Variants in PHF21B observed in about 807,000 individuals in gnomAD.
The protein encoded by PHF21B is PHD finger protein 4.
Under a neutral mutation model 62.2 loss-of-function variants are expected in PHF21B, and 22 were observed. The observed-to-expected ratio is 0.35, with a 90% CI of 0.25 to 0.51. The LOEUF (loss-of-function observed/expected upper bound fraction) is 0.51. Ranked by LOEUF, PHF21B falls within the 20% of genes least tolerant of loss-of-function variation. The pLI is 0.97. For missense variants in PHF21B, 701 were observed against 707.9 expected (o/e 0.99, Z 0.11); for synonymous variants, 341 against 314.7 (o/e 1.08, Z -0.88).
intron 2 of PHF21B, among the ~76,000 whole-genome samples, chr22:44,931,658 A>T (rs1358030756): frequency 6.6e-6 from 1 of 151,916 alleles, no homozygotes; most frequent in Non-Finnish European, 1.5e-5. Flanking sequence ...GGGTGTCAAA[A>T]AATGGTTGTG....
At chr22:44,907,087 C>G (rs1446029775) in intron 5 of PHF21B, among the ~76,000 whole-genome samples, 2 of 152,230 alleles carry the variant, frequency 1.3e-5, no homozygotes, top group African/African-American at 2.4e-5. Flanking sequence ...TGCTAGGAAG[C>G]ATGTCCGTGC....
At chr22:45,005,612 T>C (rs1055912940) in intron 2 of PHF21B, among the ~76,000 whole-genome samples, 4 of 152,176 alleles carry the variant, frequency 2.6e-5, no homozygotes, top group Non-Finnish European at 5.9e-5. Context: ...GAATGAGAAA[T>C]TCATGGTTGG....
chr22:44,934,539 C>T (rs537344962), intron 2 of PHF21B, among the ~76,000 whole-genome samples: 2 of 152,260 alleles, frequency 1.3e-5, no homozygotes, highest in South Asian at 2.1e-4. Context: ...CCTGCCAGGG[C>T]GTCAGGTCCA....
rs758614606 is a variant in PHF21B, at chr22:44,888,048, G to A, written c.1112C>T (p.Pro371Leu). 1.0e-5 allele frequency: 16 copies of A among 1,554,622 alleles called. No individual in the cohort carries two copies. The highest frequency in any genetic ancestry group is 2.1e-4 in the Middle Eastern group (1 of 4,768). ...GANLQPCGTC[P>L]GAYHLSCLEP... ...CAGGCAGCTGAGGTGGTAGGCCCCC[G>A]GGCAGGTGCCGCAGGGCTGCAGGTT... Residue 371 changes from proline (P) to leucine (L), a missense_variant, in exon 10 of 13, where the codon CCG becomes CTG. Transcript: ENST00000313237.
chr22:44,914,231 G>C, intron 4 of PHF21B, 143 bp from the exon 5 acceptor site: 1 of 565,804 alleles, frequency 1.8e-6, no homozygotes, highest in Non-Finnish European at 3.2e-6. Flanking sequence ...CGGGAACTGG[G>C]TGGTTTGCGC....
chr22:44,984,400 T>C (rs2072911468), intron 2 of PHF21B, among the ~76,000 whole-genome samples: 1 of 152,072 alleles, frequency 6.6e-6, no homozygotes, highest in Non-Finnish European at 1.5e-5. Flanking sequence ...CCCAGAGCCT[T>C]GGTTCTCAAA....
chr22:44,933,102 G>A (rs1461646073), intron 2 of PHF21B, among the ~76,000 whole-genome samples: 2 of 148,190 alleles, frequency 1.3e-5, no homozygotes, highest in Admixed American at 7.0e-5. Context: ...ACAGCTTCAG[G>A]TCTCTTCTAT....
At chr22:44,948,705 AAAG>A (rs979896511) in intron 2 of PHF21B, among the ~76,000 whole-genome samples, 5 of 147,890 alleles carry the variant, frequency 3.4e-5, no homozygotes, top group African/African-American at 1.1e-4. Flanking sequence ...AAAAAAAAAA[AAAG>A]AGAGACAGAG....
chr22:44,971,009 C>T (rs916458786), intron 2 of PHF21B: 2 of 152,364 alleles, frequency 1.3e-5, no homozygotes, highest in Non-Finnish European at 2.9e-5. Context: ...CCCAGCGGTG[C>T]TCAAGGTGTG....
intron 3 of PHF21B, among the ~76,000 whole-genome samples, chr22:44,917,061 C>G (rs940748424): frequency 5.3e-5 from 8 of 152,238 alleles, no homozygotes; most frequent in Non-Finnish European, 1.0e-4. Context: ...GCTCCTGGGC[C>G]TTGCCCAGTT....
intron 2 of PHF21B, among the ~76,000 whole-genome samples, chr22:44,999,698 C>T (rs923458669): frequency 6.6e-6 from 1 of 152,120 alleles, no homozygotes; most frequent in Non-Finnish European, 1.5e-5. Flanking sequence ...CCTACACGTG[C>T]CAGTGTTGGA....
Position 45,009,674 on chromosome 22 carries a change from A to T in PHF21B, c.-125T>A. The T allele has an allele frequency of 1.1e-6, 1 of 869,640 alleles. No homozygotes were observed. The highest frequency in any genetic ancestry group is 1.6e-6 in the Non-Finnish European group (1 of 617,204). 53.9% of individuals were successfully genotyped at this position (869,640 alleles called of 1,614,324 possible). A position where few individuals can be genotyped will look rare whatever the true frequency, so the allele number is the denominator to read the frequency against. On this transcript the variant is annotated 5_prime_UTR_variant, in exon 1 of 13. Coordinates refer to ENST00000313237, the MANE Select transcript of PHF21B (RefSeq NM_138415.5). The surrounding 1 kb of genome is among the most constrained non-coding windows in gnomAD (Gnocchi z 5.9). ...TCCGGGCTGGGTTGGGGGGGACACG[A>T]GCCCCCTCCCCCACGGCCGAAAGGG... is the stretch of plus-strand genomic sequence containing the variant.
intron 2 of PHF21B, among the ~76,000 whole-genome samples, chr22:44,936,135 G>C (rs1189191140): frequency 1.3e-5 from 2 of 152,248 alleles, no homozygotes; most frequent in Non-Finnish European, 2.9e-5. Context: ...GGAGGGTCCT[G>C]AAGAACCCGG....
At chr22:44,992,293 G>A (rs1250442939) in intron 2 of PHF21B, among the ~76,000 whole-genome samples, 1 of 152,248 alleles carries the variant, frequency 6.6e-6, no homozygotes, top group Non-Finnish European at 1.5e-5. Context: ...CAGGGATGCT[G>A]GACGATGAAA....
intron 2 of PHF21B, among the ~76,000 whole-genome samples, chr22:44,950,307 A>G (rs2072167207): frequency 2.6e-5 from 4 of 152,160 alleles, no homozygotes; most frequent in Admixed American, 2.6e-4. Context: ...CCCTCTAACA[A>G]TTGTGCCTCA....
intron 2 of PHF21B, among the ~76,000 whole-genome samples, chr22:44,958,053 C>T (rs1011740675): frequency 4.6e-5 from 7 of 152,092 alleles, no homozygotes; most frequent in Admixed American, 1.3e-4. Context: ...CAGGCATGTG[C>T]TATCATGCCT....
At chr22:44,971,218 A>G (rs1234595549) in intron 2 of PHF21B, 1 of 152,154 alleles carries the variant, frequency 6.6e-6, no homozygotes, top group Admixed American at 6.5e-5. Flanking sequence ...CCTGTAGATC[A>G]CCATCATGGG....
At chr22:44,960,174 C>G (rs991148725) in intron 2 of PHF21B, among the ~76,000 whole-genome samples, 1 of 152,190 alleles carries the variant, frequency 6.6e-6, no homozygotes, top group African/African-American at 2.4e-5. Context: ...AACCCCTGGA[C>G]GCTGAGGCCT....
rs1212554001 is a variant in PHF21B, at chr22:44,888,591, G to A, written c.1039-470C>T. On this transcript the variant is annotated intron_variant, in intron 9 of 12. Coordinates refer to ENST00000313237, the MANE Select transcript of PHF21B (RefSeq NM_138415.5). ...TTATGTGGACACTGCCTGGAGGGGCGGCGTAGCCCCGGCCAAGACCCTGTA... is the reference window on the plus strand; with the variant it reads ...TTATGTGGACACTGCCTGGAGGGGCAGCGTAGCCCCGGCCAAGACCCTGTA... Among the ~76,000 whole-genome samples, 6 of 152,190 alleles carry A rather than the reference G, an allele frequency of 3.9e-5. No individual in the cohort carries two copies. In the South Asian group the frequency reaches 1.0e-3, roughly 26 times the overall value.
Sources: allele counts gnomAD v4.1 joint callset (sites outside exome capture counted in the v4.1 genomes callset), GRCh38; gene constraint gnomAD v4.1.1; non-coding constraint Gnocchi (gnomAD v3.1); transcripts MANE v1.5; gene names NCBI Gene and HGNC (gene_info 2026-07-23, HGNC 2026-07-21).